WSB1: variants seen among roughly 807,000 people sequenced by gnomAD.
The protein encoded by WSB1 is WD repeat and SOCS box containing 1.
Under a neutral mutation model 50.2 loss-of-function variants are expected in WSB1, and 23 were observed. The observed-to-expected ratio is 0.46, with a 90% confidence interval of 0.33 to 0.65. WSB1 has a LOEUF of 0.65. Ranked by LOEUF, WSB1 falls within the 30% of genes least tolerant of loss-of-function variation. The pLI is 0.02. For synonymous variants in WSB1, 179 were observed against 172.0 expected (o/e 1.04, Z -0.32); for missense variants, 492 against 522.3 (o/e 0.94, Z 0.56).
rs777285874 is a variant in WSB1 at position 27,301,942 on chromosome 17, G to C, written c.195G>C (p.Gln65His). 6.3e-7 allele frequency: 1 copy of C among 1,585,668 alleles called. No homozygotes were observed. The highest frequency in any genetic ancestry group is 1.9e-5 in the Admixed American group (1 of 53,072). Reference protein sequence around the residue: ...HRTVKLVPWSQCLQNFLLHGT... With the variant: ...HRTVKLVPWSHCLQNFLLHGT... ...CAGTAAAGCTTGTTCCGTGGTCCCAGTGCCTTCAGAACTTGTAAGACTGTT... is the reference window on the plus strand; with the variant it reads ...CAGTAAAGCTTGTTCCGTGGTCCCACTGCCTTCAGAACTTGTAAGACTGTT... The change falls in exon 2 of 9, where the codon CAG becomes CAC. Residue 65 changes from glutamine to histidine, a missense_variant. Coordinates refer to ENST00000262394, the MANE Select transcript of WSB1 (RefSeq NM_015626.10).
chr17:27,301,695 A>C, intron 1 of WSB1, 93 bp from the exon 2 acceptor site: 1 of 1,349,796 alleles, frequency 7.4e-7, no homozygotes, highest in Non-Finnish European at 1.0e-6. Flanking sequence ...TGCATAGAAG[A>C]GGGAAGAAAC....
rs1432294967 is a variant in WSB1, at chr17:27,311,636, T to C, written c.1106+20T>C. On this transcript the variant is annotated intron_variant, in intron 8 of 8. Coordinates refer to ENST00000262394, the MANE Select transcript of WSB1 (RefSeq NM_015626.10). ...TGCTGGGTAAATATATTTTTCTCTTTTTTTTTTTTTTTTTTTTTTTTTTGA... is the reference window on the plus strand; with the variant it reads ...TGCTGGGTAAATATATTTTTCTCTTCTTTTTTTTTTTTTTTTTTTTTTTGA... The C allele has an allele frequency of 3.7e-4, 347 of 943,388 alleles. 1 individual carries two copies. The highest frequency in any genetic ancestry group is 4.6e-4 in the Non-Finnish European group (321 of 700,866). 58.4% of individuals were successfully genotyped at this position (943,388 alleles called of 1,614,324 possible). A position where few individuals can be genotyped will look rare whatever the true frequency, so the allele number is the denominator to read the frequency against.
At chr17:27,309,999 C>A (rs2017612402) in intron 6 of WSB1, 62 bp from the exon 7 acceptor site, 4 of 1,308,792 alleles carry the variant, frequency 3.1e-6, no homozygotes, top group Non-Finnish European at 3.3e-6. Flanking sequence ...GTACTTTGTA[C>A]CTGGGTAATT....
intron 4 of WSB1, among the ~76,000 whole-genome samples, chr17:27,305,293 C>T (rs2017401630): frequency 6.6e-6 from 1 of 152,124 alleles, no homozygotes; most frequent in Non-Finnish European, 1.5e-5. Context: ...CTTGAAGTAA[C>T]TTAGTATCTA....
At chr17:27,307,422 T>G in intron 5 of WSB1, 1 of 389,408 alleles carries the variant, frequency 2.6e-6, no homozygotes, top group Middle Eastern at 7.5e-4. Flanking sequence ...GTTATGCTTA[T>G]TGATGAACTC....
rs199941236 is a variant in WSB1, at chr17:27,306,733, C to T, written c.611-49C>T. ...TTTACTGCTGTTTTGAAATACTGCT[C>T]ATTTGAAGTGGATTCTAGGGTTAAT... On this transcript the variant is annotated intron_variant, in intron 4 of 8. Transcript: ENST00000262394. The T allele has an allele frequency of 1.0e-3, 1,584 of 1,564,706 alleles. 1 individual carries two copies. Among genetic ancestry groups the T allele is most frequent in the Non-Finnish European group, 1.3e-3 (1,438 of 1,140,888 alleles).
intron 5 of WSB1, chr17:27,308,783 T>C (rs1046229522): frequency 9.0e-6 from 9 of 1,002,242 alleles, no homozygotes; most frequent in Non-Finnish European, 1.1e-5. Flanking sequence ...TTTCCGTATA[T>C]TTTAGTTAAT....
At position 27,311,579 on chromosome 17, in the gene WSB1, T is replaced by A. The variant is rs1358483055; in HGVS notation, c.1069T>A (p.Cys357Ser). The change falls in exon 8 of 9, where the codon TGT becomes AGT. Residue 357 changes from cysteine to serine, a missense_variant. Coordinates refer to ENST00000262394, the MANE Select transcript of WSB1 (RefSeq NM_015626.10). ...TGCACCTTTGAGCAATGGTCTTTGC[T>A]GTGCCTTCTCTACTGATGGCAGTGT... ...QVAPLSNGLCCAFSTDGSVLA... is the reference protein window; with the variant it reads ...QVAPLSNGLCSAFSTDGSVLA... 1.9e-6 allele frequency: 3 copies of A among 1,611,136 alleles called. No homozygotes were observed. Among genetic ancestry groups the A allele is most frequent in the Non-Finnish European group, 2.5e-6 (3 of 1,179,100 alleles).
Position 27,313,482 on chromosome 17 carries a change from G to A in WSB1, c.*1113G>A, listed in dbSNP as rs1004927780. On this transcript the variant is annotated 3_prime_UTR_variant, in exon 9 of 9. Coordinates refer to ENST00000262394, the MANE Select transcript of WSB1 (RefSeq NM_015626.10). Reference sequence around the variant, plus strand: ...TCTGTTTCTGCAGGGGATGATATTGGTGAGTTGCCAAAGAAGCAATACAGC... The same window carrying A: ...TCTGTTTCTGCAGGGGATGATATTGATGAGTTGCCAAAGAAGCAATACAGC... 6.6e-6 allele frequency: 1 copy of A among 152,008 alleles called. No homozygotes were observed. The highest frequency in any genetic ancestry group is 1.5e-5 in the Non-Finnish European group (1 of 67,942). 9.4% of individuals were successfully genotyped at this position (152,008 alleles called of 1,614,324 possible). A position where few individuals can be genotyped will look rare whatever the true frequency, so the allele number is the denominator to read the frequency against.
chr17:27,296,989 C>T (rs1186095219), intron 1 of WSB1, among the ~76,000 whole-genome samples: 2 of 152,094 alleles, frequency 1.3e-5, no homozygotes, highest in Non-Finnish European at 2.9e-5. Context: ...AGCAAAGAAA[C>T]ACAAGGCAAT....
Position 27,312,511 on chromosome 17 carries a change from T to C in WSB1, c.*142T>C, listed in dbSNP as rs188833941. ...TGTTCTTGTACTGCATTTTGATCAG[T>C]TGAGCTTTTAAAATATTATTTATAG... On this transcript the variant is annotated 3_prime_UTR_variant, in exon 9 of 9. Transcript: ENST00000262394. 19 of 1,102,606 alleles carry C rather than the reference T, an allele frequency of 1.7e-5. No homozygotes were observed. In the East Asian group the frequency reaches 4.3e-4, roughly 25 times the overall value. The allele number at this position is 1,102,606 out of a possible 1,614,324, so 68.3% of individuals were successfully genotyped here.
At chr17:27,295,783 A>G (rs1311042971) in intron 1 of WSB1, among the ~76,000 whole-genome samples, 1 of 150,434 alleles carries the variant, frequency 6.6e-6, no homozygotes, top group Non-Finnish European at 1.5e-5. Context: ...TTAAATCTGT[A>G]TTTTACTTCA....
chr17:27,299,570 T>C lies in WSB1; in HGVS notation c.41-2218T>C, dbSNP rs186045173. Among the ~76,000 whole-genome samples the C allele has an allele frequency of 5.9e-5, 9 of 152,292 alleles. No homozygotes were observed. The East Asian group carries it at 1.5e-3, about 26-fold the overall frequency. On this transcript the variant is annotated intron_variant, in intron 1 of 8. Transcript: ENST00000262394. ...AATGTCATCTTATGCTGTGCTAATA[T>C]GGGGTGGGTGGGGGACTCTGCTGCT...
chr17:27,308,885 T>G, intron 5 of WSB1: 2 of 1,179,208 alleles, frequency 1.7e-6, no homozygotes, highest in African/African-American at 1.6e-5. Context: ...AATTAACATT[T>G]AACAGAAACA....
intron 5 of WSB1, chr17:27,308,404 A>G: frequency 2.0e-6 from 2 of 984,910 alleles, no homozygotes; most frequent in Non-Finnish European, 2.4e-6. Flanking sequence ...GAACCGTTTT[A>G]TATTCAAATG....
At chr17:27,306,250 T>C (rs1479789133) in intron 4 of WSB1, among the ~76,000 whole-genome samples, 9 of 146,282 alleles carry the variant, frequency 6.2e-5, no homozygotes, top group African/African-American at 2.1e-4. Flanking sequence ...TCTCGCTCTT[T>C]CGCCCAGGCT....
rs1422252670 is a variant in WSB1, at chr17:27,294,417, G to T, written c.22G>T (p.Val8Phe). 1 of 1,613,956 alleles carries T rather than the reference G, an allele frequency of 6.2e-7. No individual in the cohort carries two copies. Among genetic ancestry groups the T allele is most frequent in the East Asian group, 2.2e-5 (1 of 44,866 alleles). Residue 8 changes from valine (V) to phenylalanine (F), a missense_variant, in exon 1 of 9, where the codon GTC (valine) becomes TTC (phenylalanine). Val to Phe is a conservative substitution (Grantham distance 50). Transcript: ENST00000262394. MASFPPR[V>F]NEKEIVRLRT... ...ATAGATGGCCAGCTTTCCCCCGAGG[G>T]TCAACGAGAAAGAGATCGGTGAGGA... is the stretch of plus-strand genomic sequence containing the variant.
Position 27,312,538 on chromosome 17 carries a change from C to T in WSB1, c.*169C>T, listed in dbSNP as rs2150845775. ...GAGCTTTTAAAATATTATTTATAGA[C>T]AATAGAAGTATTTCTGAACATATCA... is the stretch of plus-strand genomic sequence containing the variant. On this transcript the variant is annotated 3_prime_UTR_variant, in exon 9 of 9. Coordinates refer to ENST00000262394, the MANE Select transcript of WSB1 (RefSeq NM_015626.10). 2.4e-6 allele frequency: 2 copies of T among 842,046 alleles called. No individual in the cohort carries two copies. The highest frequency in any genetic ancestry group is 2.9e-5 in the East Asian group (1 of 34,462). The allele number at this position is 842,046 out of a possible 1,614,324, so 52.2% of individuals were successfully genotyped here. A position where few individuals can be genotyped will look rare whatever the true frequency, so the allele number is the denominator to read the frequency against.
At chr17:27,305,046 G>C in intron 4 of WSB1, 135 bp downstream of exon 4, 1 of 1,113,368 alleles carries the variant, frequency 9.0e-7, no homozygotes, top group Non-Finnish European at 1.3e-6. Context: ...TTAACACTTA[G>C]GTTCCTTTCC....
Sources: gnomAD v4.1 joint callset for allele counts (sites outside exome capture counted in the v4.1 genomes callset) on GRCh38, gnomAD v4.1.1 for gene constraint, MANE v1.5 for transcripts, NCBI Gene and HGNC (gene_info 2026-07-23, HGNC 2026-07-21) for gene names.